LRIF1: variants seen among roughly 807,000 people sequenced by gnomAD.
The protein encoded by LRIF1 is ligand-dependent nuclear receptor-interacting factor 1.
In LRIF1, 32 loss-of-function variants were observed where a neutral mutation model predicts 52.7. That is an observed-to-expected ratio of 0.61 (90% CI 0.46 to 0.82). The LOEUF (loss-of-function observed/expected upper bound fraction) is 0.82, where lower values mean the gene tolerates loss of function less well. Ranked by LOEUF, LRIF1 falls within the 40% of genes least tolerant of loss-of-function variation. The pLI is 0.00. For missense variants in LRIF1, 887 were observed against 892.0 expected, an observed-to-expected ratio of 0.99 and a Z score of 0.07; for synonymous variants, 323 against 317.4, an observed-to-expected ratio of 1.02 and a Z score of -0.19.
At chr1:110,909,908 A>G in the LRIF1 span, among the ~76,000 whole-genome samples, 1 of 152,044 alleles carries the variant, frequency 6.6e-6, no homozygotes, top group Non-Finnish European at 1.5e-5. Context: ...ATCAGACAAA[A>G]CAGACTTTAA....
chr1:110,920,906 T>A, the LRIF1 span, among the ~76,000 whole-genome samples: 880 of 152,202 alleles, frequency 5.8e-3, 12 homozygotes, highest in African/African-American at 0.02. Flanking sequence ...TTGAGACAAG[T>A]GGGAGAATTT....
chr1:110,937,723 A>C, the LRIF1 span: 23 of 152,216 alleles, frequency 1.5e-4, no homozygotes, highest in African/African-American at 5.3e-4. Flanking sequence ...AGAAATAATA[A>C]AGAGCAGAAA....
At chr1:110,939,416 C>T in the LRIF1 span, 3 of 148,200 alleles carry the variant, frequency 2.0e-5, no homozygotes, top group Non-Finnish European at 3.0e-5. Context: ...CTACCTAAAG[C>T]AATCTATAGA....
At chr1:110,917,061 T>C in the LRIF1 span, among the ~76,000 whole-genome samples, 1 of 152,190 alleles carries the variant, frequency 6.6e-6, no homozygotes, top group African/African-American at 2.4e-5. Flanking sequence ...ACTCACCTTG[T>C]GGGTGTGGGC....
the LRIF1 span, among the ~76,000 whole-genome samples, chr1:110,879,532 A>G: frequency 1.2e-4 from 19 of 152,282 alleles, no homozygotes; most frequent in African/African-American, 3.4e-4. Flanking sequence ...CACAGTGCAC[A>G]TTAGCATATA....
At chr1:110,949,220 C>A (rs541219371) in intron 3 of LRIF1, among the ~76,000 whole-genome samples, 4 of 151,016 alleles carry the variant, frequency 2.6e-5, no homozygotes, top group Non-Finnish European at 5.9e-5. Context: ...CGGGTTCAAG[C>A]GATTCTCCTG....
chr1:110,940,082 C>A, the LRIF1 span: 8 of 152,146 alleles, frequency 5.3e-5, no homozygotes, highest in Admixed American at 2.6e-4. Context: ...TTGCAAACTA[C>A]CCATCTGACA....
At chr1:110,962,316 G>GA (rs913859349) in intron 1 of LRIF1, among the ~76,000 whole-genome samples, 4 of 151,530 alleles carry the variant, frequency 2.6e-5, no homozygotes, top group African/African-American at 7.3e-5. Context: ...AAAGAAAAAA[G>GA]AAAAAAACAC....
At chr1:110,886,869 A>ATATATATATATATATATATATATTTTT in the LRIF1 span, among the ~76,000 whole-genome samples, 6 of 82,778 alleles carry the variant, frequency 7.2e-5, no homozygotes, top group South Asian at 4.3e-4. Flanking sequence ...ATATATATAT[A>ATATATATATATATATATATATATTTTT]TTTTTTTTTT....
chr1:110,886,846 A>AAT, the LRIF1 span, among the ~76,000 whole-genome samples: 771 of 100,996 alleles, frequency 7.6e-3, 8 homozygotes, highest in South Asian at 0.023. Flanking sequence ...CTCTGTCTCC[A>AAT]ATATATATAT....
the LRIF1 span, among the ~76,000 whole-genome samples, chr1:110,895,563 A>C: frequency 6.6e-6 from 1 of 152,166 alleles, no homozygotes; most frequent in East Asian, 1.9e-4. Flanking sequence ...AGTATAATCT[A>C]TTTGTGTCTC....
Position 110,949,891 on chromosome 1 carries a change from T to C in LRIF1, c.1829A>G (p.Lys610Arg). The C allele has an allele frequency of 6.2e-7, 1 of 1,614,106 alleles. No individual in the cohort carries two copies. ...TTCCTTCACCATAAACTCTGTCTCTTTGTAAGTACCACTCTTTACCAAACT... is the reference window on the plus strand; with the variant it reads ...TTCCTTCACCATAAACTCTGTCTCTCTGTAAGTACCACTCTTTACCAAACT... ...FSSLVKSGTY[K>R]ETEFMVKEGE... Residue 610 changes from lysine (K) to arginine (R), a missense_variant, in exon 3 of 4, where the codon AAA becomes AGA. Coordinates refer to ENST00000369763, the MANE Select transcript of LRIF1 (RefSeq NM_018372.4).
the LRIF1 span, among the ~76,000 whole-genome samples, chr1:110,882,074 C>A: frequency 6.6e-6 from 1 of 152,130 alleles, no homozygotes; most frequent in African/African-American, 2.4e-5. Flanking sequence ...CTTGTCTTTT[C>A]ATTCTCTTAA....
intron 1 of LRIF1, among the ~76,000 whole-genome samples, chr1:110,959,064 C>T (rs10494125): frequency 2.6e-5 from 4 of 152,080 alleles, no homozygotes; most frequent in Admixed American, 6.5e-5. Flanking sequence ...TCATATTCTG[C>T]GGGCTAATGT....
downstream of LRIF1, among the ~76,000 whole-genome samples, chr1:110,942,619 T>C (rs890942777): frequency 1.9e-4 from 29 of 152,068 alleles, no homozygotes; most frequent in African/African-American, 7.0e-4. Context: ...AGGTATAATT[T>C]GAATGTAAAC....
the LRIF1 span, among the ~76,000 whole-genome samples, chr1:110,879,059 G>A: frequency 6.6e-6 from 1 of 151,740 alleles, no homozygotes; most frequent in East Asian, 1.9e-4. Flanking sequence ...AATGGCACAC[G>A]AAACCTCTTT....
intron 3 of LRIF1, 42 bp downstream of exon 3, chr1:110,949,809 T>C: frequency 6.4e-7 from 1 of 1,563,416 alleles, no homozygotes; most frequent in Non-Finnish European, 8.7e-7. Context: ...TCATGTATCA[T>C]TTGTAGTACC....
Position 110,947,278 on chromosome 1 carries a change from CA to C in LRIF1, c.*680del, listed in dbSNP as rs1553209620. On this transcript the variant is annotated 3_prime_UTR_variant, in exon 4 of 4. Coordinates refer to ENST00000369763, the MANE Select transcript of LRIF1 (RefSeq NM_018372.4). ...TCTCAGTAACGTATGTACATAGTCC[CA>C]AAAAAAAAAAAAGCAGCATTTGCCT... The C allele has an allele frequency of 1.2e-3, 160 of 138,568 alleles. No homozygotes were observed. Among genetic ancestry groups the C allele is most frequent in the Non-Finnish European group, 1.5e-3 (94 of 62,916 alleles). The allele number at this position is 138,568 out of a possible 1,614,324, so 8.6% of individuals were successfully genotyped here.
rs1382744555 is a variant in LRIF1 at position 110,950,050 on chromosome 1, C to A, written c.1670G>T (p.Arg557Ile). 3 of 1,614,022 alleles carry A rather than the reference C, an allele frequency of 1.9e-6. No individual in the cohort carries two copies. Among genetic ancestry groups the A allele is most frequent in the South Asian group, 2.2e-5 (2 of 91,084 alleles). ...GRNDKKDSQG[R>I]SNKALHLKSD... ...CTTCAGATGTAATGCCTTATTACTT[C>A]TTCCTTGAGAATCTTTCTTGTCATT... is the stretch of plus-strand genomic sequence containing the variant. Residue 557 changes from arginine (R) to isoleucine (I), a missense_variant, in exon 3 of 4, where the codon AGA (arginine) becomes ATA (isoleucine). Physicochemically the swap from Arg to Ile is moderately conservative, Grantham distance 97. Transcript: ENST00000369763.
Sources: allele counts gnomAD v4.1 joint callset (sites outside exome capture counted in the v4.1 genomes callset), GRCh38; gene constraint gnomAD v4.1.1; transcripts MANE v1.5; gene names NCBI Gene and HGNC (gene_info 2026-07-23, HGNC 2026-07-21).